EBF2: variants seen among roughly 807,000 people sequenced by gnomAD.
EBF2 encodes EBF transcription factor 2.
Under a neutral mutation model 72.8 loss-of-function variants are expected in EBF2, and 21 were observed. That is an observed-to-expected ratio of 0.29 (90% CI 0.20 to 0.42). The LOEUF is 0.42. Ranked by LOEUF, EBF2 falls within the 10% of genes least tolerant of loss-of-function variation. The probability of loss-of-function intolerance (pLI) is 1.00; values close to 1 mark genes in which losing one functional copy is unlikely to be tolerated. For missense variants in EBF2, 637 were observed against 731.2 expected, an observed-to-expected ratio of 0.87 and a Z score of 1.49; for synonymous variants, 299 against 274.2, an observed-to-expected ratio of 1.09 and a Z score of -0.89.
intron 5 of EBF2, among the ~76,000 whole-genome samples, chr8:26,035,026 A>C (rs1387869094): frequency 6.6e-6 from 1 of 152,212 alleles, no homozygotes; most frequent in Admixed American, 6.5e-5. Flanking sequence ...TTCTAGGTCT[A>C]AGTCCATGAG....
intron 6 of EBF2, among the ~76,000 whole-genome samples, chr8:25,960,746 G>C (rs1409373604): frequency 6.6e-6 from 1 of 152,138 alleles, no homozygotes; most frequent in East Asian, 1.9e-4. Context: ...TCAAGAGATG[G>C]AGCTGTTGGG....
Position 25,878,514 on chromosome 8 carries a change from G to A in EBF2, c.1009+8241C>T, listed in dbSNP as rs142684491. Among the ~76,000 whole-genome samples the A allele has an allele frequency of 5.9e-3, 900 of 152,320 alleles. 11 individuals are homozygous for A. Among genetic ancestry groups the A allele is most frequent in the African/African-American group, 0.02 (835 of 41,566 alleles). Reference sequence around the variant, plus strand: ...AAGACGAAATTGGCTTTTCATGTCAGTAGCTGCCAATTCAATGGGAAAGAC... The same window carrying A: ...AAGACGAAATTGGCTTTTCATGTCAATAGCTGCCAATTCAATGGGAAAGAC... On this transcript the variant is annotated intron_variant, in intron 10 of 15. Coordinates refer to ENST00000520164, the MANE Select transcript of EBF2 (RefSeq NM_022659.4).
chr8:25,908,470 T>C lies in EBF2; in HGVS notation c.633+4A>G. 1 of 1,608,622 alleles carries C rather than the reference T, an allele frequency of 6.2e-7. No homozygotes were observed. The highest frequency in any genetic ancestry group is 8.5e-7 in the Non-Finnish European group (1 of 1,175,590). ...TAACAGGAAAGATCTGCAGGGCCCC[T>C]TACCTGAAACCGTCTCATGTCCCTT... On this transcript the variant is annotated splice_donor_region_variant and intron_variant, in intron 7 of 15. Coordinates refer to ENST00000520164, the MANE Select transcript of EBF2 (RefSeq NM_022659.4).
At position 25,905,773 on chromosome 8, in the gene EBF2, T is replaced by G. The variant is rs543122266; in HGVS notation, c.633+2701A>C. On this transcript the variant is annotated intron_variant, in intron 7 of 15. Transcript: ENST00000520164. ...GGTGCTGGTTGTACAACACTTTGAA[T>G]GTACTAAAAACCACTGGACCCTGCA... 8.5e-5 allele frequency among the ~76,000 whole-genome samples: 13 copies of G among 152,338 alleles called. No homozygotes were observed. In the South Asian group the frequency reaches 2.5e-3, roughly 29 times the overall value.
intron 6 of EBF2, among the ~76,000 whole-genome samples, chr8:26,017,058 C>T (rs577360912): frequency 1.3e-5 from 2 of 151,970 alleles, no homozygotes; most frequent in Admixed American, 1.3e-4. Context: ...CCAAACACAA[C>T]CTTCCCCAAG....
chr8:25,898,181 G>A (rs1383994129), intron 7 of EBF2, among the ~76,000 whole-genome samples: 1 of 152,116 alleles, frequency 6.6e-6, no homozygotes, highest in Non-Finnish European at 1.5e-5. Context: ...GGGGCCCAAC[G>A]CTGGGAAGAA....
chr8:25,844,253 C>A lies in EBF2; in HGVS notation c.*356G>T. 2 of 167,160 alleles carry A rather than the reference C, an allele frequency of 1.2e-5. No individual in the cohort carries two copies. Among genetic ancestry groups the A allele is most frequent in the Non-Finnish European group, 2.6e-5 (2 of 77,680 alleles). 10.4% of individuals were successfully genotyped at this position (167,160 alleles called of 1,614,324 possible). The stretch of plus-strand genomic sequence containing the variant: ...AACTTTTTTTTCCTACAAAGAAAAA[C>A]AAATAGTATCCAAAATATTAAGCAT... On this transcript the variant is annotated 3_prime_UTR_variant, in exon 16 of 16. Coordinates refer to ENST00000520164, the MANE Select transcript of EBF2 (RefSeq NM_022659.4).
chr8:26,004,358 G>A (rs954306664), intron 6 of EBF2, among the ~76,000 whole-genome samples: 3 of 152,136 alleles, frequency 2.0e-5, no homozygotes, highest in Non-Finnish European at 4.4e-5. Flanking sequence ...TACTCAAAGT[G>A]TAATTTACTT....
chr8:25,911,424 C>G (rs926504231), intron 6 of EBF2, among the ~76,000 whole-genome samples: 1 of 152,128 alleles, frequency 6.6e-6, no homozygotes, highest in Non-Finnish European at 1.5e-5. Context: ...TGAAGAGGAT[C>G]GGAAAGAGGA....
At chr8:25,853,493 T>C (rs564411772) in intron 14 of EBF2, among the ~76,000 whole-genome samples, 12 of 128,944 alleles carry the variant, frequency 9.3e-5, no homozygotes, top group Non-Finnish European at 1.7e-4. Context: ...TTCCACTCAC[T>C]AAATAGAAAA....
rs1246664554 is a variant in EBF2, at chr8:25,866,467, A to G, written c.1010-3670T>C. 3.5e-5 allele frequency among the ~76,000 whole-genome samples: 5 copies of G among 143,182 alleles called. No individual in the cohort carries two copies. The East Asian group carries it at 7.9e-4, about 22-fold the overall frequency. The allele number at this position is 143,182 out of a possible 152,430, so 93.9% of individuals were successfully genotyped here. On this transcript the variant is annotated intron_variant, in intron 10 of 15. Transcript: ENST00000520164. ...TAATATATATATATATATAATATAT[A>G]GGATATATAATATAAAAATATATAA...
intron 6 of EBF2, among the ~76,000 whole-genome samples, chr8:25,914,705 A>C (rs921480293): frequency 3.9e-5 from 6 of 152,356 alleles, no homozygotes; most frequent in African/African-American, 1.4e-4. Flanking sequence ...GTTTTGACTT[A>C]CTGGCTTCTT....
intron 6 of EBF2, among the ~76,000 whole-genome samples, chr8:26,006,409 A>G (rs548264195): frequency 6.6e-6 from 1 of 152,318 alleles, no homozygotes; most frequent in Non-Finnish European, 1.5e-5. Context: ...AGTGCATCAA[A>G]TCTCTGTGCC....
chr8:25,879,222 C>T (rs1029737725), intron 10 of EBF2, among the ~76,000 whole-genome samples: 1 of 152,068 alleles, frequency 6.6e-6, no homozygotes, highest in Admixed American at 6.6e-5. Flanking sequence ...ATCACAGATG[C>T]CTTTCATGTA....
Position 25,858,504 on chromosome 8 carries a change from C to T in EBF2, c.1343G>A (p.Gly448Glu). The T allele has an allele frequency of 1.9e-6, 3 of 1,612,668 alleles. No homozygotes were observed. Among genetic ancestry groups the T allele is most frequent in the Non-Finnish European group, 2.5e-6 (3 of 1,179,574 alleles). ...GATGCTGCTTGTGTTGCGGATGTAC[C>T]CTTGGCAACAAAGAAAAAGCCCAGG... ...ISESTQGNNQGYIRNTSSISP... is the reference protein window; with the variant it reads ...ISESTQGNNQEYIRNTSSISP... Residue 448 changes from glycine (G) to glutamate (E), a missense_variant and splice_region_variant, in exon 14 of 16, where the codon GGG (glycine) becomes GAG (glutamate). Gly to Glu is a moderately conservative substitution (Grantham distance 98). This residue lies in a region of EBF2 where 259 missense variants were observed against 268.1 expected (regional missense o/e 0.97). Transcript: ENST00000520164.
chr8:26,040,963 T>C lies in EBF2; in HGVS notation c.328A>G (p.Lys110Glu). 1 of 1,614,240 alleles carries C rather than the reference T, an allele frequency of 6.2e-7. No individual in the cohort carries two copies. Among genetic ancestry groups the C allele is most frequent in the Non-Finnish European group, 8.5e-7 (1 of 1,180,038 alleles). The stretch of plus-strand genomic sequence containing the variant: ...CCGTTGCTGTAGAGGAGCTGTAACT[T>C]GTAGTGAGTGCCGTTGTTGGTCTTC... ...NEKTNNGTHY[K>E]LQLLYSNGVR... The change falls in exon 3 of 16, where the codon AAG becomes GAG. Residue 110 changes from lysine (K) to glutamate (E), a missense_variant. By Grantham distance (56) the Lys-to-Glu change is moderately conservative (BLOSUM62 1). Transcript: ENST00000520164.
intron 6 of EBF2, among the ~76,000 whole-genome samples, chr8:26,020,414 T>C (rs927529745): frequency 2.6e-5 from 4 of 152,196 alleles, no homozygotes; most frequent in African/African-American, 7.2e-5. Context: ...ATGGGACACC[T>C]ACAGTGAAAC....
At chr8:25,973,322 G>A (rs972515552) in intron 6 of EBF2, among the ~76,000 whole-genome samples, 3 of 152,132 alleles carry the variant, frequency 2.0e-5, no homozygotes, top group African/African-American at 7.2e-5. Context: ...CCCCTGCCCA[G>A]CCTCATTCCC....
At chr8:25,931,988 T>C (rs556790229) in intron 6 of EBF2, among the ~76,000 whole-genome samples, 1 of 150,974 alleles carries the variant, frequency 6.6e-6, no homozygotes, top group African/African-American at 2.4e-5. Context: ...GAGAGTTTGA[T>C]TGGCTTTGAT....
Sources: allele counts gnomAD v4.1 joint callset (sites outside exome capture counted in the v4.1 genomes callset), GRCh38; gene constraint gnomAD v4.1.1; regional missense constraint gnomAD v4.1.1; transcripts MANE v1.5; gene names NCBI Gene and HGNC (gene_info 2026-07-23, HGNC 2026-07-21).